The following MTPAP variants were observed in gnomAD, a reference collection of about 807,000 sequenced individuals.
MTPAP encodes mitochondrial poly(A) polymerase.
MTPAP carries 23 observed loss-of-function variants against 48.7 expected under a neutral mutation model. That is an observed-to-expected ratio of 0.47 (90% confidence interval 0.34 to 0.67). MTPAP has a LOEUF of 0.67. MTPAP is among the 30% of genes least tolerant of loss of function. The probability of loss-of-function intolerance (pLI) is 0.01; values close to 1 mark genes in which losing one functional copy is unlikely to be tolerated. For missense variants in MTPAP, 614 were observed against 694.3 expected (o/e 0.88, Z 1.30); for synonymous variants, 257 against 254.1 (o/e 1.01, Z -0.11).
At chr10:30,330,802 A>T (rs1834657098) in intron 4 of MTPAP, among the ~76,000 whole-genome samples, 1 of 152,238 alleles carries the variant, frequency 6.6e-6, no homozygotes. Context: ...AGAAACTTCA[A>T]GAGCCGATGC....
rs544896638 is a variant in MTPAP at position 30,335,034 on chromosome 10, G to T, written c.780+1769C>A. 3.3e-5 allele frequency among the ~76,000 whole-genome samples: 5 copies of T among 152,302 alleles called. 1 individual carries two copies. Among genetic ancestry groups the T allele is most frequent in the African/African-American group, 1.2e-4 (5 of 41,566 alleles). ...AACATGTGAAACATATAGAACTTTT[G>T]TAAGAACTTAGAAAGAACATTTGTG... is the stretch of plus-strand genomic sequence containing the variant. On this transcript the variant is annotated intron_variant, in intron 4 of 8. Coordinates refer to ENST00000263063, the MANE Select transcript of MTPAP (RefSeq NM_018109.4).
intron 1 of MTPAP, chr10:30,348,884 C>G (rs1265101109): frequency 3.4e-6 from 2 of 595,604 alleles, no homozygotes; most frequent in Non-Finnish European, 5.9e-6. Context: ...CTAAACAACT[C>G]CATTACTGTA....
intron 6 of MTPAP, 122 bp from the exon 7 acceptor site, chr10:30,316,332 TC>T: frequency 1.3e-6 from 1 of 766,170 alleles, no homozygotes; most frequent in Non-Finnish European, 2.2e-6. Flanking sequence ...AGCCTCCACC[TC>T]CCAGGTTCCA....
intron 6 of MTPAP, among the ~76,000 whole-genome samples, chr10:30,321,059 T>C (rs1469360064): frequency 6.6e-6 from 1 of 152,158 alleles, no homozygotes; most frequent in African/African-American, 2.4e-5. Context: ...ATACCCCCAC[T>C]ACTCCAATAA....
chr10:30,319,041 C>T (rs937164428), intron 6 of MTPAP, among the ~76,000 whole-genome samples: 1 of 150,630 alleles, frequency 6.6e-6, no homozygotes, highest in Non-Finnish European at 1.5e-5. Context: ...TCTTGAGATT[C>T]TCCATAAAAA....
chr10:30,341,686 AT>A (rs1258047833), intron 1 of MTPAP, 46 bp from the exon 2 acceptor site: 17 of 1,603,872 alleles, frequency 1.1e-5, no homozygotes, highest in Non-Finnish European at 1.4e-5. Flanking sequence ...CACACACAAA[AT>A]TTTAAAAATA....
intron 3 of MTPAP, among the ~76,000 whole-genome samples, chr10:30,338,423 CAGCACTTTGGGAGGCCAAGGCAGGCA>C (rs1415418852): frequency 6.6e-6 from 1 of 151,614 alleles, no homozygotes; most frequent in Non-Finnish European, 1.5e-5. Flanking sequence ...CCTGTAATCC[CAGCACTTTGGGAGGCCAAGGCAGGCA>C]GATCACATGA....
At chr10:30,339,568 G>T (rs1428997670) in intron 3 of MTPAP, among the ~76,000 whole-genome samples, 1 of 151,642 alleles carries the variant, frequency 6.6e-6, no homozygotes, top group African/African-American at 2.4e-5. Context: ...ATGTCATTAT[G>T]CTGGAAAGAG....
chr10:30,325,060 G>A lies in MTPAP; in HGVS notation c.992+1364C>T, dbSNP rs574219467. Among the ~76,000 whole-genome samples, 3 of 151,398 alleles carry A rather than the reference G, an allele frequency of 2.0e-5. No individual in the cohort carries two copies. In the South Asian group the frequency reaches 6.2e-4, roughly 31 times the overall value. ...AATTCATTGTGATTAAGTGTTTTAT[G>A]TATGAAAATGAAGCTAAATTAAGCT... On this transcript the variant is annotated intron_variant, in intron 5 of 8. Transcript: ENST00000263063.
chr10:30,324,541 G>C (rs993937185), intron 5 of MTPAP, among the ~76,000 whole-genome samples: 1 of 151,874 alleles, frequency 6.6e-6, no homozygotes, highest in African/African-American at 2.4e-5. Flanking sequence ...GCAACAGAGA[G>C]AGACACTGTC....
At position 30,329,529 on chromosome 10, in the gene MTPAP, C is replaced by T. The variant is rs184377211; in HGVS notation, c.781-2894G>A. 1.1e-4 allele frequency among the ~76,000 whole-genome samples: 16 copies of T among 152,170 alleles called. No individual in the cohort carries two copies. In the East Asian group the frequency reaches 2.5e-3, roughly 24 times the overall value. On this transcript the variant is annotated intron_variant, in intron 4 of 8. Coordinates refer to ENST00000263063, the MANE Select transcript of MTPAP (RefSeq NM_018109.4). ...CATTACAGGCATGAAGCACTGGGCCCGGCCACTTCCTGGGTTCTTGATGGT... is the reference window on the plus strand; with the variant it reads ...CATTACAGGCATGAAGCACTGGGCCTGGCCACTTCCTGGGTTCTTGATGGT...
intron 1 of MTPAP, 109 bp downstream of exon 1, chr10:30,349,010 C>T: frequency 3.9e-6 from 6 of 1,524,334 alleles, no homozygotes; most frequent in Non-Finnish European, 3.6e-6. Context: ...ACAGCCCCAC[C>T]CTCTTGCCAA....
intron 2 of MTPAP, 91 bp downstream of exon 2, chr10:30,341,377 A>T: frequency 1.3e-6 from 2 of 1,502,104 alleles, no homozygotes; most frequent in Non-Finnish European, 1.8e-6. Flanking sequence ...TACCTACCAT[A>T]TTGCAAAAAG....
In MTPAP at chr10:30,343,191, G is replaced by T. The variant is rs182769835; in HGVS notation, c.158-1551C>A. On this transcript the variant is annotated intron_variant, in intron 1 of 8. Coordinates refer to ENST00000263063, the MANE Select transcript of MTPAP (RefSeq NM_018109.4). ...AGGCCAGACGCGGTGGCTCACACCTGTAATCCCAGCACTTTGGGAGACGGA... is the reference window on the plus strand; with the variant it reads ...AGGCCAGACGCGGTGGCTCACACCTTTAATCCCAGCACTTTGGGAGACGGA... Among the ~76,000 whole-genome samples the T allele has an allele frequency of 1.1e-3, 165 of 152,232 alleles. 2 individuals carry two copies. The highest frequency in any genetic ancestry group is 3.8e-3 in the African/African-American group (159 of 41,542).
chr10:30,337,559 A>T (rs1366023274), intron 3 of MTPAP, among the ~76,000 whole-genome samples: 1 of 152,212 alleles, frequency 6.6e-6, no homozygotes, highest in Admixed American at 6.5e-5. Flanking sequence ...ACACAGCAGG[A>T]CCTCGTCTCT....
intron 4 of MTPAP, among the ~76,000 whole-genome samples, chr10:30,329,167 G>C (rs557024291): frequency 5.3e-5 from 8 of 152,072 alleles, no homozygotes; most frequent in African/African-American, 1.4e-4. Flanking sequence ...AGAATAGCTT[G>C]AACCCAGGAG....
At chr10:30,314,709 C>T (rs999332914) in intron 8 of MTPAP, among the ~76,000 whole-genome samples, 2 of 151,722 alleles carry the variant, frequency 1.3e-5, no homozygotes, top group African/African-American at 4.8e-5. Context: ...CCCATCTCTA[C>T]TAAAAATACA....
intron 4 of MTPAP, among the ~76,000 whole-genome samples, chr10:30,329,376 C>T (rs1172663933): frequency 2.0e-5 from 3 of 152,066 alleles, no homozygotes; most frequent in Non-Finnish European, 4.4e-5. Flanking sequence ...TACAGGTACA[C>T]ACCACCACAC....
rs1275231687 is a variant in MTPAP at position 30,337,915 on chromosome 10, G to T, written c.556-888C>A. ...TCACATACTGAAATTGTGTACTGGA[G>T]TATCTGAAGTGAAAAAAAATCGTAA... On this transcript the variant is annotated intron_variant, in intron 3 of 8. Transcript: ENST00000263063. 3.3e-5 allele frequency among the ~76,000 whole-genome samples: 5 copies of T among 152,094 alleles called. No homozygotes were observed. The South Asian group carries it at 1.0e-3, about 32-fold the overall frequency.
Sources: gnomAD v4.1 joint callset for allele counts (sites outside exome capture counted in the v4.1 genomes callset) on GRCh38, gnomAD v4.1.1 for gene constraint, MANE v1.5 for transcripts, NCBI Gene and HGNC (gene_info 2026-07-23, HGNC 2026-07-21) for gene names.